RNF6: variants seen among roughly 807,000 people sequenced by gnomAD.
The protein encoded by RNF6 is ring finger protein 6, also known as E3 ubiquitin-protein ligase RNF6.
In RNF6, 21 loss-of-function variants were observed where a neutral mutation model predicts 50.1. The observed-to-expected ratio is 0.42, with a 90% confidence interval of 0.30 to 0.60. RNF6 has a LOEUF of 0.60. RNF6 is among the 20% of genes least tolerant of loss of function. The pLI is 0.20. For synonymous variants in RNF6, 255 were observed against 291.8 expected (o/e 0.87, Z 1.29); for missense variants, 698 against 838.2 (o/e 0.83, Z 2.07).
rs568761630 is a variant in RNF6, at chr13:26,172,185, G to A, written n.769-39734C>T. 2.0e-3 allele frequency among the ~76,000 whole-genome samples: 300 copies of A among 152,192 alleles called. 3 individuals carry two copies. The South Asian group carries it at 0.028, about 14-fold the overall frequency. On this transcript the variant is annotated intron_variant and non_coding_transcript_variant, in intron 5 of 5. Transcript: ENST00000468480. ...AAGTGAGCATATATAATCTACATACGCAGCCTGGTAAGTGATGAATGCCAT... is the reference window on the plus strand; with the variant it reads ...AAGTGAGCATATATAATCTACATACACAGCCTGGTAAGTGATGAATGCCAT...
chr13:26,145,885 T>C (rs1373917211), intron 5 of RNF6, among the ~76,000 whole-genome samples: 1 of 152,160 alleles, frequency 6.6e-6, no homozygotes, highest in African/African-American at 2.4e-5. Flanking sequence ...AGGGAACCAA[T>C]GTGAGGATTT....
At chr13:26,161,879 C>T (rs928362612) in intron 5 of RNF6, among the ~76,000 whole-genome samples, 4 of 152,210 alleles carry the variant, frequency 2.6e-5, no homozygotes, top group African/African-American at 9.6e-5. Context: ...TCAAAACCAC[C>T]TCCAATTAGC....
chr13:26,202,726 A>C (rs1868942777), intron 5 of RNF6, among the ~76,000 whole-genome samples: 1 of 152,262 alleles, frequency 6.6e-6, no homozygotes, highest in African/African-American at 2.4e-5. Context: ...TCAATGATCA[A>C]GAATAAAAAT....
intron 5 of RNF6, among the ~76,000 whole-genome samples, chr13:26,157,921 T>TGGAC (rs1872014239): frequency 6.6e-6 from 1 of 150,734 alleles, no homozygotes; most frequent in Non-Finnish European, 1.5e-5. Context: ...GATGGATGGA[T>TGGAC]GGATAGATGG....
intron 5 of RNF6, among the ~76,000 whole-genome samples, chr13:26,185,455 G>T (rs1346227030): frequency 1.3e-5 from 2 of 151,676 alleles, no homozygotes; most frequent in Non-Finnish European, 2.9e-5. Flanking sequence ...TTTAAAAAAA[G>T]TTGTTACTTG....
At chr13:26,180,007 T>A (rs764762794) in intron 5 of RNF6, among the ~76,000 whole-genome samples, 15 of 152,138 alleles carry the variant, frequency 9.9e-5, no homozygotes, top group Non-Finnish European at 2.2e-4. Flanking sequence ...TCTGGGCCTC[T>A]TCCGCTTGTG....
At chr13:26,169,764 G>A (rs1872608725) in intron 5 of RNF6, among the ~76,000 whole-genome samples, 3 of 152,092 alleles carry the variant, frequency 2.0e-5, no homozygotes, top group Non-Finnish European at 2.9e-5. Context: ...ATTACCTCCT[G>A]TCATGAAGAT....
At chr13:26,194,436 A>C (rs1010667035) in intron 5 of RNF6, among the ~76,000 whole-genome samples, 1 of 152,178 alleles carries the variant, frequency 6.6e-6, no homozygotes. Flanking sequence ...GCTCGCTAAA[A>C]GACTAATACC....
At chr13:26,143,395 A>G (rs1229040051) in intron 5 of RNF6, among the ~76,000 whole-genome samples, 4 of 152,214 alleles carry the variant, frequency 2.6e-5, no homozygotes, top group African/African-American at 9.6e-5. Flanking sequence ...AAGCATGAGG[A>G]GCCCAAAGTG....
intron 5 of RNF6, among the ~76,000 whole-genome samples, chr13:26,162,654 A>C (rs528042501): frequency 3.3e-5 from 5 of 152,360 alleles, no homozygotes; most frequent in African/African-American, 1.2e-4. Flanking sequence ...TTCTCTCCCA[A>C]GCCCACAAGT....
intron 5 of RNF6, among the ~76,000 whole-genome samples, chr13:26,156,302 C>T (rs933544146): frequency 2.6e-5 from 4 of 152,112 alleles, no homozygotes; most frequent in South Asian, 4.2e-4. Context: ...ATTAAGGGGA[C>T]GATCCACAAA....
At chr13:26,164,024 C>A (rs1046737840) in intron 5 of RNF6, among the ~76,000 whole-genome samples, 1 of 152,078 alleles carries the variant, frequency 6.6e-6, no homozygotes, top group African/African-American at 2.4e-5. Context: ...CTAAATAATT[C>A]ACTGGAAAAA....
intron 5 of RNF6, among the ~76,000 whole-genome samples, chr13:26,142,795 G>A (rs2137559819): frequency 6.6e-6 from 1 of 152,094 alleles, no homozygotes; most frequent in East Asian, 1.9e-4. Context: ...TGGGTGATGG[G>A]ATCAATAGAA....
intron 5 of RNF6, among the ~76,000 whole-genome samples, chr13:26,183,291 C>T (rs1332960754): frequency 5.3e-5 from 8 of 152,114 alleles, no homozygotes; most frequent in African/African-American, 1.9e-4. Context: ...TAATTGTTTT[C>T]CCTTTATAGA....
chr13:26,207,230 CAA>C (rs35773834), intron 5 of RNF6, among the ~76,000 whole-genome samples: 2 of 136,270 alleles, frequency 1.5e-5, no homozygotes, highest in African/African-American at 5.5e-5. Flanking sequence ...ACAGCATGGG[CAA>C]AAAAAAAAAA....
At chr13:26,180,701 C>T (rs765471247) in intron 5 of RNF6, among the ~76,000 whole-genome samples, 5 of 152,346 alleles carry the variant, frequency 3.3e-5, no homozygotes, top group South Asian at 2.1e-4. Context: ...TGATTAGAAC[C>T]ATTGATGGCT....
chr13:26,152,463 G>A (rs1442420422), intron 5 of RNF6, among the ~76,000 whole-genome samples: 3 of 152,272 alleles, frequency 2.0e-5, no homozygotes, highest in Non-Finnish European at 4.4e-5. Flanking sequence ...GCCAGAAGCA[G>A]GCTGTGTTCC....
chr13:26,177,720 GA>G (rs1873029839), intron 5 of RNF6, among the ~76,000 whole-genome samples: 1 of 152,100 alleles, frequency 6.6e-6, no homozygotes, highest in South Asian at 2.1e-4. Flanking sequence ...ATTGATAAAC[GA>G]TTTCCTCCTA....
chr13:26,143,286 C>T (rs1171777943), intron 5 of RNF6, among the ~76,000 whole-genome samples: 3 of 151,798 alleles, frequency 2.0e-5, no homozygotes, highest in Admixed American at 6.6e-5. Context: ...TAGACTCTTC[C>T]TTATCTACAC....
Sources: allele counts gnomAD v4.1 joint callset (sites outside exome capture counted in the v4.1 genomes callset), GRCh38; gene constraint gnomAD v4.1.1; transcripts MANE v1.5; gene names NCBI Gene and HGNC (gene_info 2026-07-23, HGNC 2026-07-21).